Variants in STAC2 observed in about 807,000 individuals in gnomAD.
The protein encoded by STAC2 is SH3 and cysteine-rich domain-containing protein 2.
A neutral mutation model predicts 49.0 loss-of-function variants in STAC2; 36 were observed. That is an observed-to-expected ratio of 0.74 (90% CI 0.56 to 0.97). The LOEUF (loss-of-function observed/expected upper bound fraction) is 0.97, where lower values mean the gene tolerates loss of function less well. Among genes scored for constraint, STAC2 ranks in the 50% least tolerant of loss-of-function variants. The probability of loss-of-function intolerance (pLI) is 0.00; values close to 1 mark genes in which losing one functional copy is unlikely to be tolerated. For synonymous variants in STAC2, 239 were observed against 214.7 expected (o/e 1.11, Z -0.99); for missense variants, 527 against 543.8 (o/e 0.97, Z 0.31).
intron 1 of STAC2, among the ~76,000 whole-genome samples, chr17:39,220,136 G>T (rs1162386996): frequency 6.6e-6 from 1 of 152,212 alleles, no homozygotes; most frequent in Non-Finnish European, 1.5e-5. Flanking sequence ...AGCACTGTGG[G>T]CTTCTTTGTG....
Position 39,225,556 on chromosome 17 carries a change from G to T in STAC2, c.-54C>A, listed in dbSNP as rs377493445. On this transcript the variant is annotated 5_prime_UTR_variant, in exon 1 of 11. Coordinates refer to ENST00000333461, the MANE Select transcript of STAC2 (RefSeq NM_198993.5). The surrounding 1 kb of genome is among the most constrained non-coding windows in gnomAD (Gnocchi z 8.2). ...CGAGATCCGACGGCAGGCCCACCGCGGGCAGGCTGCGGGTGGCGGGCGTCT... is the reference window on the plus strand; with the variant it reads ...CGAGATCCGACGGCAGGCCCACCGCTGGCAGGCTGCGGGTGGCGGGCGTCT... 6.7e-5 allele frequency: 104 copies of T among 1,558,874 alleles called. No individual in the cohort carries two copies. The African/African-American group carries it at 1.3e-3, about 20-fold the overall frequency.
rs1382422829 is a variant in STAC2 at position 39,211,941 on chromosome 17, G to T, written c.*351C>A. 4.3e-6 allele frequency: 1 copy of T among 232,144 alleles called. No individual in the cohort carries two copies. Among genetic ancestry groups the T allele is most frequent in the Non-Finnish European group, 8.5e-6 (1 of 117,042 alleles). The allele number at this position is 232,144 out of a possible 1,614,324, so 14.4% of individuals were successfully genotyped here. ...GCGCAGGTGGTGTGGGCAGGGGAAG[G>T]CTGGGAGAAGCAGCAAATAAATTCC... is the stretch of plus-strand genomic sequence containing the variant. On this transcript the variant is annotated 3_prime_UTR_variant, in exon 11 of 11. Transcript: ENST00000333461.
chr17:39,220,684 T>C (rs1025258108), intron 1 of STAC2, among the ~76,000 whole-genome samples: 2 of 151,840 alleles, frequency 1.3e-5, no homozygotes, highest in African/African-American at 4.8e-5. Flanking sequence ...GTGTTAGCCA[T>C]GATGGTCTTG....
chr17:39,225,443 TG>T lies in STAC2; in HGVS notation c.59del (p.Pro20GlnfsTer49). ...TTTCCTGGAGGGCGGAGACGGTCCC[TG>T]GGGGGCTGTGGGTGGCCGCGTCATC... ...EPDDAATHSP[P>X]GTVSALQETK... On this transcript the variant is annotated frameshift_variant, in exon 1 of 11. Coordinates refer to ENST00000333461, the MANE Select transcript of STAC2 (RefSeq NM_198993.5). LOFTEE classifies it high-confidence loss of function. The surrounding 1 kb of genome is among the most constrained non-coding windows in gnomAD (Gnocchi z 8.2). 1.2e-6 allele frequency: 2 copies of T among 1,608,336 alleles called. No individual in the cohort carries two copies. Among genetic ancestry groups the T allele is most frequent in the Non-Finnish European group, 8.5e-7 (1 of 1,178,296 alleles).
intron 7 of STAC2, 178 bp from the exon 8 acceptor site, chr17:39,214,508 G>T: frequency 1.0e-6 from 1 of 955,500 alleles, no homozygotes; most frequent in Non-Finnish European, 1.2e-6. Flanking sequence ...AAGCGCACTG[G>T]GACGGGAATG....
Position 39,225,831 on chromosome 17 carries a change from C to A in STAC2, c.-329G>T, listed in dbSNP as rs935495709. On this transcript the variant is annotated 5_prime_UTR_variant, in exon 1 of 11. Transcript: ENST00000333461. This position sits in a 1 kb window ranked among gnomAD's most constrained non-coding sequence, Gnocchi z 8.2. The stretch of plus-strand genomic sequence containing the variant: ...CGAGGGAGGGAGCCAAGGAGCTGTC[C>A]GTGTCCAGCCGGCTCCGCCGTCCGC... The A allele has an allele frequency of 6.7e-6, 2 of 296,674 alleles. No homozygotes were observed. The highest frequency in any genetic ancestry group is 1.3e-5 in the Non-Finnish European group (2 of 157,716). The allele number at this position is 296,674 out of a possible 1,614,324, so 18.4% of individuals were successfully genotyped here. A position where few individuals can be genotyped will look rare whatever the true frequency, so the allele number is the denominator to read the frequency against.
At chr17:39,222,317 C>T (rs1283882864) in intron 1 of STAC2, among the ~76,000 whole-genome samples, 1 of 152,176 alleles carries the variant, frequency 6.6e-6, no homozygotes, top group African/African-American at 2.4e-5. Context: ...AGAATGTTCC[C>T]GGGTACCAGG....
chr17:39,213,169 C>T (rs368921371), intron 9 of STAC2, 37 bp from the exon 10 acceptor site: 37 of 1,598,746 alleles, frequency 2.3e-5, no homozygotes, highest in Non-Finnish European at 3.0e-5. Context: ...CCGCGCCACA[C>T]CCCACCCCTG....
chr17:39,217,759 G>T, intron 2 of STAC2, 108 bp downstream of exon 2: 2 of 1,115,818 alleles, frequency 1.8e-6, no homozygotes, highest in Non-Finnish European at 2.5e-6. Context: ...AATTAGTATT[G>T]GGGCTCCTGA....
intron 1 of STAC2, among the ~76,000 whole-genome samples, chr17:39,224,308 C>G (rs188537426): frequency 4.6e-5 from 7 of 152,302 alleles, no homozygotes; most frequent in Admixed American, 2.0e-4. Context: ...AGGATGGGAA[C>G]AAAATACCGG....
intron 9 of STAC2, 97 bp from the exon 10 acceptor site, chr17:39,213,229 C>A: frequency 6.4e-7 from 1 of 1,551,654 alleles, no homozygotes; most frequent in South Asian, 1.2e-5. Flanking sequence ...GCACCAATGC[C>A]ATCATCCTCC....
rs563536803 is a variant in STAC2 at position 39,211,891 on chromosome 17, G to A, written c.*401C>T. The A allele has an allele frequency of 5.4e-5, 10 of 183,692 alleles. No individual in the cohort carries two copies. The highest frequency in any genetic ancestry group is 1.1e-4 in the Non-Finnish European group (10 of 87,176). The allele number at this position is 183,692 out of a possible 1,614,324, so 11.4% of individuals were successfully genotyped here. ...ACACATAGACCCAAGCAGAGGCTCT[G>A]TGGGGAGAGGGGTGTGCCAGGCATG... is the stretch of plus-strand genomic sequence containing the variant. On this transcript the variant is annotated 3_prime_UTR_variant, in exon 11 of 11. Coordinates refer to ENST00000333461, the MANE Select transcript of STAC2 (RefSeq NM_198993.5).
chr17:39,223,270 G>A (rs1365655330), intron 1 of STAC2, among the ~76,000 whole-genome samples: 1 of 152,178 alleles, frequency 6.6e-6, no homozygotes, highest in Non-Finnish European at 1.5e-5. Context: ...GCTTCTTTGG[G>A]CCAGGTTGAG....
At position 39,218,104 on chromosome 17, in the gene STAC2, GGAA is replaced by G. The variant is rs780975684; in HGVS notation, c.157_159del (p.Phe53del). 3.7e-6 allele frequency: 6 copies of G among 1,613,348 alleles called. No individual in the cohort carries two copies. The highest frequency in any genetic ancestry group is 5.1e-6 in the Non-Finnish European group (6 of 1,180,032). ...CACTTGAGCTCAGAGCCCGAGCGAAGGAAGAAGTTCTCCAAGCTCTTACTTCGG... is the reference window on the plus strand; with the variant it reads ...CACTTGAGCTCAGAGCCCGAGCGAAGGAAGTTCTCCAAGCTCTTACTTCGG... On this transcript the variant is annotated inframe_deletion, in exon 2 of 11. Transcript: ENST00000333461.
chr17:39,218,063 C>G lies in STAC2; in HGVS notation c.201G>C (p.Leu67=). The change falls in exon 2 of 11, where the codon CTG becomes CTC. Residue 67 remains leucine (L), a synonymous_variant. Coordinates refer to ENST00000333461, the MANE Select transcript of STAC2 (RefSeq NM_198993.5). ...GSELKCPTEV[L]LTPPTPLPPP... ...GGGGCAGTGGGGTTGGGGGCGTCAG[C>G]AGCACCTCGGTGGGGCACTTGAGCT... 6.2e-7 allele frequency: 1 copy of G among 1,611,172 alleles called. No homozygotes were observed. The highest frequency in any genetic ancestry group is 8.5e-7 in the Non-Finnish European group (1 of 1,179,624).
intron 1 of STAC2, among the ~76,000 whole-genome samples, chr17:39,221,393 C>T (rs1198534870): frequency 1.3e-5 from 2 of 152,240 alleles, no homozygotes; most frequent in Admixed American, 6.5e-5. Flanking sequence ...GCCACCGCGC[C>T]TGGCCAAGAC....
chr17:39,225,613 C>A lies in STAC2; in HGVS notation c.-111G>T. The A allele has an allele frequency of 3.8e-6, 4 of 1,046,830 alleles. No individual in the cohort carries two copies. Among genetic ancestry groups the A allele is most frequent in the Non-Finnish European group, 5.7e-6 (4 of 701,836 alleles). 64.8% of individuals were successfully genotyped at this position (1,046,830 alleles called of 1,614,324 possible). ...CTCTGAAGCCGTTCTCCAGAGGCTGCCCCCAGTTAGCCCCCGGCACGGCAG... is the reference window on the plus strand; with the variant it reads ...CTCTGAAGCCGTTCTCCAGAGGCTGACCCCAGTTAGCCCCCGGCACGGCAG... On this transcript the variant is annotated 5_prime_UTR_variant, in exon 1 of 11. Coordinates refer to ENST00000333461, the MANE Select transcript of STAC2 (RefSeq NM_198993.5). This position sits in a 1 kb window ranked among gnomAD's most constrained non-coding sequence, Gnocchi z 8.2.
chr17:39,218,211 A>T, intron 1 of STAC2, 38 bp from the exon 2 acceptor site: 1 of 1,610,338 alleles, frequency 6.2e-7, no homozygotes, highest in Non-Finnish European at 8.5e-7. Flanking sequence ...GGGAGCCTAG[A>T]GGGGGCTGGC....
At chr17:39,213,802 G>A (rs1431990903) in intron 8 of STAC2, among the ~76,000 whole-genome samples, 4 of 150,862 alleles carry the variant, frequency 2.7e-5, no homozygotes, top group African/African-American at 9.8e-5. Context: ...TCAGCCTCCC[G>A]AGTAACTGGG....
Sources: gnomAD v4.1 joint callset for allele counts (sites outside exome capture counted in the v4.1 genomes callset) on GRCh38, gnomAD v4.1.1 for gene constraint, Gnocchi (gnomAD v3.1) non-coding constraint, MANE v1.5 for transcripts, NCBI Gene and HGNC (gene_info 2026-07-23, HGNC 2026-07-21) for gene names.